CGNL1: variants seen among roughly 807,000 people sequenced by gnomAD.
CGNL1 encodes the protein cingulin-like protein 1.
A neutral mutation model predicts 141.2 loss-of-function variants in CGNL1; 132 were observed. The ratio of observed to expected loss-of-function variants is 0.93; its 90% confidence interval spans 0.81 to 1.08. The LOEUF (loss-of-function observed/expected upper bound fraction) is 1.08, where lower values mean the gene tolerates loss of function less well. CGNL1 is among the 50% of genes least tolerant of loss of function. The pLI is 0.00. For synonymous variants in CGNL1, 690 were observed against 622.1 expected, an observed-to-expected ratio of 1.11 and a Z score of -1.63; for missense variants, 1,870 against 1,588.6, an observed-to-expected ratio of 1.18 and a Z score of -3.01.
At chr15:57,537,785 G>A (rs1301757837) in intron 14 of CGNL1, among the ~76,000 whole-genome samples, 2 of 152,186 alleles carry the variant, frequency 1.3e-5, no homozygotes, top group African/African-American at 4.8e-5. Context: ...AATGCTCAGG[G>A]CTTAGCATTC....
At chr15:57,460,720 C>T (rs971261069) in intron 7 of CGNL1, among the ~76,000 whole-genome samples, 2 of 152,162 alleles carry the variant, frequency 1.3e-5, no homozygotes, top group Non-Finnish European at 1.5e-5. Context: ...AAACTATCCA[C>T]GTGATCCAAT....
intron 8 of CGNL1, among the ~76,000 whole-genome samples, chr15:57,512,659 G>T (rs1343008399): frequency 1.3e-5 from 2 of 152,180 alleles, no homozygotes; most frequent in Non-Finnish European, 2.9e-5. Context: ...TCACAATTCA[G>T]TCCAGGTTCC....
At chr15:57,454,327 A>T (rs1179654132) in intron 7 of CGNL1, among the ~76,000 whole-genome samples, 1 of 152,180 alleles carries the variant, frequency 6.6e-6, no homozygotes, top group African/African-American at 2.4e-5. Flanking sequence ...TAAAAGTCAA[A>T]ACATAAAGGT....
chr15:57,459,657 G>A (rs2063421777), intron 7 of CGNL1, among the ~76,000 whole-genome samples: 1 of 152,150 alleles, frequency 6.6e-6, no homozygotes, highest in African/African-American at 2.4e-5. Context: ...CTGCACAGGA[G>A]GTGAGGAGGG....
intron 1 of CGNL1, among the ~76,000 whole-genome samples, chr15:57,434,006 C>G (rs1339091203): frequency 7.5e-6 from 1 of 134,168 alleles, no homozygotes; most frequent in Non-Finnish European, 1.6e-5. Context: ...TGCTTTGGTC[C>G]TTCATTCTTA....
intron 7 of CGNL1, among the ~76,000 whole-genome samples, chr15:57,457,868 T>G (rs747226710): frequency 6.6e-6 from 1 of 152,088 alleles, no homozygotes; most frequent in Non-Finnish European, 1.5e-5. Flanking sequence ...CAAACCATAA[T>G]AGCATCTAGT....
chr15:57,479,600 G>A (rs2063700188), intron 8 of CGNL1, among the ~76,000 whole-genome samples: 1 of 152,232 alleles, frequency 6.6e-6, no homozygotes, highest in African/African-American at 2.4e-5. Flanking sequence ...GTAGGTGGAG[G>A]TTGCAGTGAG....
At position 57,435,407 on chromosome 15, in the gene CGNL1, G is replaced by GGTTTTTT. The variant is rs1291475942; in HGVS notation, c.-15-2578_-15-2577insGTTTTTT. ...TAGAAGAAATAGCTGAAATTTGCAG[G>GGTTTTTT]TTTTTTTGTTTTTTTTTTTTTCCTC... On this transcript the variant is annotated intron_variant, in intron 1 of 18. Coordinates refer to ENST00000281282, the MANE Select transcript of CGNL1 (RefSeq NM_032866.5). 1.3e-4 allele frequency among the ~76,000 whole-genome samples: 13 copies of GGTTTTTT among 96,864 alleles called. 3 individuals carry two copies. The highest frequency in any genetic ancestry group is 1.4e-4 in the Non-Finnish European group (6 of 42,874). 63.5% of individuals were successfully genotyped at this position (96,864 alleles called of 152,430 possible).
In CGNL1 at chr15:57,550,159, A is replaced by G. The variant is rs1382425481; in HGVS notation, c.*2669A>G. ...CGTTTTGACAATTGCGCTATCCTAC[A>G]CTCTGAGGGAGTTGGCAACGCATGC... On this transcript the variant is annotated 3_prime_UTR_variant, in exon 19 of 19. Transcript: ENST00000281282. The G allele has an allele frequency of 6.6e-6, 1 of 152,162 alleles. No homozygotes were observed. Among genetic ancestry groups the G allele is most frequent in the Non-Finnish European group, 1.5e-5 (1 of 68,018 alleles). 9.4% of individuals were successfully genotyped at this position (152,162 alleles called of 1,614,324 possible).
chr15:57,391,454 G>A (rs1272564168), intron 1 of CGNL1, among the ~76,000 whole-genome samples: 1 of 152,172 alleles, frequency 6.6e-6, no homozygotes, highest in African/African-American at 2.4e-5. Flanking sequence ...AATAGATGGG[G>A]ACCAAAACCT....
At chr15:57,451,177 T>C (rs1378490509) in intron 4 of CGNL1, among the ~76,000 whole-genome samples, 1 of 152,238 alleles carries the variant, frequency 6.6e-6, no homozygotes, top group African/African-American at 2.4e-5. Flanking sequence ...TTCTACAGAA[T>C]ACATTACGGA....
chr15:57,516,706 C>A, intron 8 of CGNL1, 74 bp from the exon 9 acceptor site: 1 of 1,481,060 alleles, frequency 6.8e-7, no homozygotes, highest in Non-Finnish European at 9.3e-7. Context: ...TTCATAAATG[C>A]CAGCCATTCT....
chr15:57,456,498 A>T (rs2063380441), intron 7 of CGNL1, among the ~76,000 whole-genome samples: 1 of 152,084 alleles, frequency 6.6e-6, no homozygotes, highest in Non-Finnish European at 1.5e-5. Context: ...ACTTAAAAAA[A>T]AAAATAAATA....
chr15:57,524,520 G>T, intron 11 of CGNL1, 61 bp from the exon 12 acceptor site: 1 of 1,473,006 alleles, frequency 6.8e-7, no homozygotes, highest in South Asian at 1.3e-5. Context: ...GTTGAAATGG[G>T]ACCCAGACCC....
Position 57,547,612 on chromosome 15 carries a change from A to T in CGNL1, c.*122A>T. On this transcript the variant is annotated 3_prime_UTR_variant, in exon 19 of 19. Transcript: ENST00000281282. ...ACCAATCACAGCCTCTTTGCACAGC[A>T]TGCCAGCTCCTCAGTGTTACATTCC... The T allele has an allele frequency of 8.9e-7, 1 of 1,119,576 alleles. No individual in the cohort carries two copies. The highest frequency in any genetic ancestry group is 1.3e-6 in the Non-Finnish European group (1 of 784,262). 69.4% of individuals were successfully genotyped at this position (1,119,576 alleles called of 1,614,324 possible). A position where few individuals can be genotyped will look rare whatever the true frequency, so the allele number is the denominator to read the frequency against.
chr15:57,420,406 A>T (rs60317122), intron 1 of CGNL1, among the ~76,000 whole-genome samples: 1,909 of 152,312 alleles, frequency 0.013, 45 homozygotes, highest in African/African-American at 0.044. Flanking sequence ...ACATGAGTTC[A>T]TACTGATGTC....
intron 11 of CGNL1, among the ~76,000 whole-genome samples, chr15:57,523,913 A>G (rs1381912803): frequency 1.3e-5 from 2 of 152,184 alleles, no homozygotes; most frequent in African/African-American, 4.8e-5. Context: ...GTGCAGATGG[A>G]ACCAATGTTG....
At chr15:57,498,113 C>T (rs2063968396) in intron 8 of CGNL1, among the ~76,000 whole-genome samples, 1 of 152,238 alleles carries the variant, frequency 6.6e-6, no homozygotes, top group East Asian at 1.9e-4. Flanking sequence ...CCGTCTCACC[C>T]AAATAGAGTT....
In CGNL1 at chr15:57,524,614, AC is replaced by A; in HGVS notation, c.2905del (p.Leu969TrpfsTer25). 1 of 1,613,978 alleles carries A rather than the reference AC, an allele frequency of 6.2e-7. No homozygotes were observed. Among genetic ancestry groups the A allele is most frequent in the Non-Finnish European group, 8.5e-7 (1 of 1,179,984 alleles). On this transcript the variant is annotated frameshift_variant, in exon 12 of 19. Transcript: ENST00000281282. LOFTEE classifies it high-confidence loss of function. The stretch of plus-strand genomic sequence containing the variant: ...CATTGTTGAGGCCTCCCGTACCTCA[AC>A]CCTGGAGCTCCAGAACCAGCTGGAT... ...ADIVEASRTS[T>X]LELQNQLDEY... is the part of the protein sequence containing the mutation.
Sources: allele counts gnomAD v4.1 joint callset (sites outside exome capture counted in the v4.1 genomes callset), GRCh38; gene constraint gnomAD v4.1.1; transcripts MANE v1.5; gene names NCBI Gene and HGNC (gene_info 2026-07-23, HGNC 2026-07-21).